AGBL4: variants seen among roughly 807,000 people sequenced by gnomAD.
AGBL4 encodes cytosolic carboxypeptidase 6.
In AGBL4, 58 loss-of-function variants were observed where a neutral mutation model predicts 66.4. The observed-to-expected ratio is 0.87, with a 90% confidence interval of 0.71 to 1.09. The LOEUF (loss-of-function observed/expected upper bound fraction) is 1.09, where lower values mean the gene tolerates loss of function less well. Ranked by LOEUF, AGBL4 falls within the 50% of genes least tolerant of loss-of-function variation. The pLI is 0.00. For synonymous variants in AGBL4, 234 were observed against 222.9 expected (o/e 1.05, Z -0.44); for missense variants, 579 against 631.0 (o/e 0.92, Z 0.88).
At chr1:49,839,569 G>A (rs1028415915) in intron 2 of AGBL4, among the ~76,000 whole-genome samples, 5 of 152,148 alleles carry the variant, frequency 3.3e-5, no homozygotes, top group Admixed American at 3.3e-4. Context: ...ACAATGGGGA[G>A]CCATGACAGA....
intron 9 of AGBL4, among the ~76,000 whole-genome samples, chr1:48,598,435 C>A (rs11809799): frequency 6.6e-6 from 1 of 152,082 alleles, no homozygotes; most frequent in South Asian, 2.1e-4. Flanking sequence ...TGGTTATAGC[C>A]TATGGCTCTT....
intron 3 of AGBL4, among the ~76,000 whole-genome samples, chr1:49,339,956 T>C (rs1183225793): frequency 6.6e-6 from 1 of 152,166 alleles, no homozygotes; most frequent in East Asian, 1.9e-4. Context: ...CCATATTCTC[T>C]TTTTGTGAAA....
chr1:48,604,544 A>G (rs1380995697), intron 9 of AGBL4, among the ~76,000 whole-genome samples: 1 of 152,154 alleles, frequency 6.6e-6, no homozygotes, highest in Non-Finnish European at 1.5e-5. Context: ...ACTACAGAGG[A>G]GGTCTACCAA....
chr1:48,558,989 A>T (rs912625677), intron 11 of AGBL4, among the ~76,000 whole-genome samples: 1 of 152,176 alleles, frequency 6.6e-6, no homozygotes, highest in African/African-American at 2.4e-5. Context: ...CCAAATAAGT[A>T]TATTGCTTCA....
chr1:49,401,703 A>T (rs888784824), intron 3 of AGBL4, among the ~76,000 whole-genome samples: 2 of 152,124 alleles, frequency 1.3e-5, no homozygotes, highest in Admixed American at 6.5e-5. Flanking sequence ...TCATTTAATG[A>T]GTTTGGAATT....
At chr1:48,665,750 A>T (rs1646176406) in intron 6 of AGBL4, among the ~76,000 whole-genome samples, 1 of 147,956 alleles carries the variant, frequency 6.8e-6, no homozygotes, top group Non-Finnish European at 1.5e-5. Context: ...CCGCTGTCTT[A>T]GTATTTATAT....
chr1:49,248,632 C>CT (rs1037070599), intron 3 of AGBL4, among the ~76,000 whole-genome samples: 48 of 148,476 alleles, frequency 3.2e-4, no homozygotes, highest in Middle Eastern at 3.4e-3. Context: ...GGTAATTATT[C>CT]TTTTTTTTTT....
intron 3 of AGBL4, among the ~76,000 whole-genome samples, chr1:49,681,998 T>C (rs1467755972): frequency 1.3e-5 from 2 of 152,204 alleles, no homozygotes; most frequent in Admixed American, 1.3e-4. Flanking sequence ...TCTCCTACCT[T>C]GGCCTCTGCC....
intron 11 of AGBL4, chr1:48,584,172 T>G (rs1020811903): frequency 1.3e-5 from 2 of 152,278 alleles, no homozygotes; most frequent in African/African-American, 2.4e-5. Flanking sequence ...ATTTCTCACC[T>G]GGATTTTTAT....
At chr1:48,933,721 C>A (rs967711412) in intron 5 of AGBL4, among the ~76,000 whole-genome samples, 2 of 152,262 alleles carry the variant, frequency 1.3e-5, no homozygotes, top group African/African-American at 4.8e-5. Context: ...TGCTAAAGAT[C>A]AAAATGAAAT....
In AGBL4 at chr1:48,634,592, C is replaced by A; in HGVS notation, c.852G>T (p.Met284Ile). 1 of 1,599,152 alleles carries A rather than the reference C, an allele frequency of 6.3e-7. No individual in the cohort carries two copies. The highest frequency in any genetic ancestry group is 2.3e-5 in the East Asian group (1 of 44,290). The change falls in exon 9 of 14, where the codon ATG (methionine) becomes ATT (isoleucine). Residue 284 changes from methionine to isoleucine, a missense_variant. Coordinates refer to ENST00000371839, the MANE Select transcript of AGBL4 (RefSeq NM_032785.4). ...GCCAGTGACGATTCAGATCAAATCCCATCAGAGAACACCTAGGCAGTACCC... is the reference window on the plus strand; with the variant it reads ...GCCAGTGACGATTCAGATCAAATCCAATCAGAGAACACCTAGGCAGTACCC... ...VYLGNYRCSL[M>I]GFDLNRHWLD...
chr1:49,831,025 T>C (rs755418415), intron 2 of AGBL4, among the ~76,000 whole-genome samples: 11 of 152,222 alleles, frequency 7.2e-5, no homozygotes, highest in Non-Finnish European at 1.6e-4. Flanking sequence ...GTAATATATT[T>C]TGAAGTCAGG....
chr1:49,036,222 C>A lies in AGBL4; in HGVS notation c.594+9362G>T, dbSNP rs151307093. Among the ~76,000 whole-genome samples, 1,086 of 151,796 alleles carry A rather than the reference C, an allele frequency of 7.2e-3. 8 individuals carry two copies. Among genetic ancestry groups the A allele is most frequent in the Non-Finnish European group, 0.012 (805 of 67,880 alleles). On this transcript the variant is annotated intron_variant, in intron 5 of 13. Transcript: ENST00000371839. ...AAAAATATATTTATTTAAAGAACAG[C>A]AACAAAAAAATCTACTATAGAGAGG...
chr1:48,974,531 C>T (rs1183952795), intron 5 of AGBL4, among the ~76,000 whole-genome samples: 1 of 152,132 alleles, frequency 6.6e-6, no homozygotes, highest in Admixed American at 6.6e-5. Flanking sequence ...TCCTAAATTT[C>T]ATCCACAAAG....
chr1:48,999,522 A>C (rs531981844), intron 5 of AGBL4, among the ~76,000 whole-genome samples: 229 of 152,312 alleles, frequency 1.5e-3, no homozygotes, highest in African/African-American at 5.3e-3. Flanking sequence ...CACTGCAAAC[A>C]TCCAGAAGTG....
At chr1:49,664,316 C>A (rs1646322629) in intron 3 of AGBL4, among the ~76,000 whole-genome samples, 2 of 151,914 alleles carry the variant, frequency 1.3e-5, no homozygotes, top group South Asian at 4.1e-4. Context: ...AAGAAACCAT[C>A]CTGTTTTCTT....
chr1:49,736,819 G>GA (rs575811923), intron 2 of AGBL4, among the ~76,000 whole-genome samples: 101 of 142,968 alleles, frequency 7.1e-4, no homozygotes, highest in East Asian at 1.0e-3. Flanking sequence ...ATCAACAAGG[G>GA]AAAAAAAAAA....
At chr1:49,142,755 CTTAAA>C (rs1337396384) in intron 4 of AGBL4, among the ~76,000 whole-genome samples, 2 of 152,028 alleles carry the variant, frequency 1.3e-5, no homozygotes, top group South Asian at 2.1e-4. Context: ...AGAATAGAAA[CTTAAA>C]TTAATAATAA....
chr1:48,783,140 C>T, intron 6 of AGBL4, among the ~76,000 whole-genome samples: 1 of 152,072 alleles, frequency 6.6e-6, no homozygotes, highest in East Asian at 1.9e-4. Context: ...AAGTAATTTG[C>T]TGTGCTGCAA....
Sources: allele counts gnomAD v4.1 joint callset (sites outside exome capture counted in the v4.1 genomes callset), GRCh38; gene constraint gnomAD v4.1.1; transcripts MANE v1.5; gene names NCBI Gene and HGNC (gene_info 2026-07-23, HGNC 2026-07-21).